Variants in NUDC observed in about 807,000 individuals in gnomAD.
NUDC encodes nuclear migration protein nudC.
A neutral mutation model predicts 45.0 loss-of-function variants in NUDC; 14 were observed. That is an observed-to-expected ratio of 0.31 (90% CI 0.21 to 0.49). NUDC has a LOEUF of 0.49. Ranked by LOEUF, NUDC falls within the 20% of genes least tolerant of loss-of-function variation. The pLI, the probability that NUDC is intolerant of heterozygous loss-of-function variation, is 0.99. For missense variants in NUDC, 323 were observed against 426.2 expected, an observed-to-expected ratio of 0.76 and a Z score of 2.13; for synonymous variants, 153 against 156.7, an observed-to-expected ratio of 0.98 and a Z score of 0.17.
At chr1:26,927,590 G>T (rs573939007) in intron 2 of NUDC, among the ~76,000 whole-genome samples, 1 of 151,652 alleles carries the variant, frequency 6.6e-6, no homozygotes, top group African/African-American at 2.4e-5. Flanking sequence ...TAGAGCCGGG[G>T]TTTCACCATG....
intron 2 of NUDC, among the ~76,000 whole-genome samples, chr1:26,903,006 C>T (rs2081987052): frequency 1.3e-5 from 2 of 151,652 alleles, no homozygotes; most frequent in African/African-American, 4.9e-5. Context: ...GCTGAGATCA[C>T]ACCACTGCAC....
In NUDC at chr1:26,924,063, A is replaced by G. The variant is rs1159114377; in HGVS notation, c.82-26A>G. The G allele has an allele frequency of 6.2e-6, 10 of 1,610,632 alleles. No homozygotes were observed. In the Admixed American group the frequency reaches 6.7e-5, roughly 11 times the overall value. ...AAGGGCTCCCAAATGCAGCTCTACT[A>G]CTTTAATCTTCTCCCCCTCTTTCAG... is the stretch of plus-strand genomic sequence containing the variant. On this transcript the variant is annotated intron_variant, in intron 1 of 8. Coordinates refer to ENST00000321265, the MANE Select transcript of NUDC (RefSeq NM_006600.4).
intron 6 of NUDC, among the ~76,000 whole-genome samples, chr1:26,944,323 C>T (rs968336445): frequency 6.6e-6 from 1 of 152,172 alleles, no homozygotes; most frequent in African/African-American, 2.4e-5. Flanking sequence ...ACCCTCCCAC[C>T]TCAGCTTCCT....
rs1487780672 is a variant in NUDC at position 26,925,471 on chromosome 1, G to A, written c.159+1305G>A. ...AGGAGAATGGCGTGAACCCCGGGGG[G>A]CGGAGCTTGCAGTGAGCCGAGATCG... On this transcript the variant is annotated intron_variant, in intron 2 of 8. Transcript: ENST00000321265. Among the ~76,000 whole-genome samples, 4 of 147,392 alleles carry A rather than the reference G, an allele frequency of 2.7e-5. No individual in the cohort carries two copies. In the East Asian group the frequency reaches 6.4e-4, roughly 24 times the overall value.
At chr1:26,908,311 G>A (rs1208100343) in intron 2 of NUDC, among the ~76,000 whole-genome samples, 1 of 152,156 alleles carries the variant, frequency 6.6e-6, no homozygotes, top group Non-Finnish European at 1.5e-5. Flanking sequence ...GCTGATCATG[G>A]AGACATACTT....
intron 2 of NUDC, among the ~76,000 whole-genome samples, chr1:26,925,399 G>A (rs533304512): frequency 1.3e-4 from 20 of 151,054 alleles, no homozygotes; most frequent in African/African-American, 4.8e-4. Context: ...AATTAGCCAG[G>A]CGAGGTGGCG....
intron 2 of NUDC, among the ~76,000 whole-genome samples, chr1:26,936,545 C>T (rs898769419): frequency 3.3e-5 from 5 of 151,380 alleles, no homozygotes; most frequent in South Asian, 4.2e-4. Flanking sequence ...AGGCTGGTCT[C>T]GAACTCCAGT....
chr1:26,944,026 C>T (rs1007066127), intron 6 of NUDC, among the ~76,000 whole-genome samples: 7 of 152,044 alleles, frequency 4.6e-5, no homozygotes, highest in Admixed American at 1.3e-4. Context: ...TACAGGCGCC[C>T]GCCACCATGC....
intron 1 of NUDC, chr1:26,922,363 A>G (rs2082098801): frequency 4.3e-6 from 1 of 234,386 alleles, no homozygotes; most frequent in Non-Finnish European, 8.6e-6. Context: ...TGAATGGGGG[A>G]ATAGGAGGCC....
At position 26,941,452 on chromosome 1, in the gene NUDC, T is replaced by A; in HGVS notation, c.160-5T>A. ...GATGCCTCATGGCCTTTCTTCCCTCTCCAGCTTATCACACAGACTTTCAGC... is the reference window on the plus strand; with the variant it reads ...GATGCCTCATGGCCTTTCTTCCCTCACCAGCTTATCACACAGACTTTCAGC... On this transcript the variant is annotated splice_region_variant and splice_polypyrimidine_tract_variant and intron_variant, in intron 2 of 8. Coordinates refer to ENST00000321265, the MANE Select transcript of NUDC (RefSeq NM_006600.4). The A allele has an allele frequency of 6.2e-7, 1 of 1,613,318 alleles. No individual in the cohort carries two copies. Among genetic ancestry groups the A allele is most frequent in the Non-Finnish European group, 8.5e-7 (1 of 1,179,896 alleles).
At chr1:26,900,463 G>A in intron 1 of NUDC, 1 of 1,590,880 alleles carries the variant, frequency 6.3e-7, no homozygotes. Context: ...CACATGATCA[G>A]CTAGAACCAA....
At position 26,924,094 on chromosome 1, in the gene NUDC, G is replaced by T. The variant is rs1289011500; in HGVS notation, c.87G>T (p.Val29=). ...ATCTTCTCCCCCTCTTTCAGCTTGT[G>T]AACACCTTCTTCAGCTTCCTTCGAC... ...QQHEGGVQEL[V]NTFFSFLRRK... is the part of the protein sequence containing the mutation. The change falls in exon 2 of 9, where the codon GTG becomes GTT. Residue 29 remains valine (V), a synonymous_variant. Transcript: ENST00000321265. 6.2e-7 allele frequency: 1 copy of T among 1,614,048 alleles called. No homozygotes were observed. Among genetic ancestry groups the T allele is most frequent in the South Asian group, 1.1e-5 (1 of 91,074 alleles).
chr1:26,913,434 C>T, intron 3 of NUDC: 3 of 1,614,142 alleles, frequency 1.9e-6, no homozygotes, highest in Non-Finnish European at 8.5e-7. Context: ...TGGTCCCTTT[C>T]AGGCAGGCAT....
At chr1:26,920,835 G>A (rs1005610409), upstream of NUDC, among the ~76,000 whole-genome samples, 5 of 151,964 alleles carry the variant, frequency 3.3e-5, no homozygotes, top group African/African-American at 1.2e-4. Flanking sequence ...CTACTCTGGA[G>A]GCTGAAGTGG....
upstream of NUDC, chr1:26,921,742 T>C (rs759035239): frequency 2.9e-5 from 36 of 1,243,984 alleles, no homozygotes; most frequent in South Asian, 1.8e-4. Flanking sequence ...CCGGCTCCGC[T>C]GCGGAAGGCG....
At chr1:26,917,989 C>T (rs1040944110), upstream of NUDC, among the ~76,000 whole-genome samples, 2 of 152,070 alleles carry the variant, frequency 1.3e-5, no homozygotes, top group Admixed American at 1.3e-4. Context: ...CACACACACA[C>T]ACACACACAC....
chr1:26,940,583 G>T (rs567001404), intron 2 of NUDC, among the ~76,000 whole-genome samples: 1 of 152,344 alleles, frequency 6.6e-6, no homozygotes, highest in East Asian at 1.9e-4. Flanking sequence ...GAGACAGGAT[G>T]CACTAAGAGT....
intron 2 of NUDC, among the ~76,000 whole-genome samples, chr1:26,908,087 C>T (rs886957162): frequency 1.1e-4 from 17 of 151,890 alleles, no homozygotes; most frequent in African/African-American, 3.1e-4. Context: ...GCTGAAGCAA[C>T]GGAATTGCTT....
At chr1:26,931,576 C>G (rs1171702595) in intron 2 of NUDC, among the ~76,000 whole-genome samples, 2 of 149,704 alleles carry the variant, frequency 1.3e-5, no homozygotes, top group South Asian at 2.2e-4. Context: ...GTCAGGAGAT[C>G]GAGACTATCC....
Sources: allele counts gnomAD v4.1 joint callset (sites outside exome capture counted in the v4.1 genomes callset), GRCh38; gene constraint gnomAD v4.1.1; transcripts MANE v1.5; gene names NCBI Gene and HGNC (gene_info 2026-07-23, HGNC 2026-07-21).